Variants in CBARP observed in about 807,000 individuals in gnomAD.
CBARP encodes CACN subunit beta associated regulatory protein.
A neutral mutation model predicts 36.3 loss-of-function variants in CBARP; 24 were observed. The observed-to-expected ratio is 0.66, with a 90% CI of 0.48 to 0.93. The LOEUF is 0.93. CBARP is among the 40% of genes least tolerant of loss of function. The pLI is 0.00. For synonymous variants in CBARP, 586 were observed against 453.2 expected (o/e 1.29, Z -3.72); for missense variants, 1,146 against 980.4 (o/e 1.17, Z -2.26).
At position 1,230,024 on chromosome 19, in the gene CBARP, C is replaced by A; in HGVS notation, c.1273G>T (p.Ala425Ser). Residue 425 changes from alanine to serine, a missense_variant, in exon 10 of 10, where the codon GCG becomes TCG. Physicochemically the swap from Ala to Ser is moderately conservative, Grantham distance 99. Transcript: ENST00000650044. ...CTGGTCTGGGCCTGCTCGGGGCCCGCGTCCCGCTCGGCGTCCGGCTCCAGT... is the reference window on the plus strand; with the variant it reads ...CTGGTCTGGGCCTGCTCGGGGCCCGAGTCCCGCTCGGCGTCCGGCTCCAGT... ...PPLEPDAERD[A>S]GPEQAQTSYR... 8.1e-7 allele frequency: 1 copy of A among 1,229,302 alleles called. No homozygotes were observed. The highest frequency in any genetic ancestry group is 1.0e-6 in the Non-Finnish European group (1 of 963,448). 76.1% of individuals were successfully genotyped at this position (1,229,302 alleles called of 1,614,324 possible).
chr19:1,230,838 A>G (rs1472094484), intron 9 of CBARP: 5 of 1,481,244 alleles, frequency 3.4e-6, no homozygotes, highest in African/African-American at 1.4e-5. Flanking sequence ...ACCAGCAAGC[A>G]GCAGTACCAG....
intron 8 of CBARP, among the ~76,000 whole-genome samples, 190 bp downstream of exon 8, chr19:1,233,236 A>G (rs1394457198): frequency 1.2e-4 from 18 of 152,156 alleles, no homozygotes; most frequent in Non-Finnish European, 8.8e-5. Flanking sequence ...GGCCGCCCGC[A>G]CACTCAGCCC....
rs534066346 is a variant in CBARP at position 1,235,414 on chromosome 19, C to T, written c.310+87G>A. Reference sequence around the variant, plus strand: ...GTCTGGTGGGGGAGACAGACAGACACAGACGGTCAGGCAGCCCGAGGGGGC... The same window carrying T: ...GTCTGGTGGGGGAGACAGACAGACATAGACGGTCAGGCAGCCCGAGGGGGC... On this transcript the variant is annotated intron_variant, in intron 4 of 9. Transcript: ENST00000650044. 456 of 1,373,216 alleles carry T rather than the reference C, an allele frequency of 3.3e-4. 1 individual carries two copies. The highest frequency in any genetic ancestry group is 4.0e-4 in the Non-Finnish European group (411 of 1,017,326). The allele number at this position is 1,373,216 out of a possible 1,614,324, so 85.1% of individuals were successfully genotyped here.
Position 1,234,962 on chromosome 19 carries a change from G to T in CBARP, c.455+39C>A, listed in dbSNP as rs536209098. The T allele has an allele frequency of 5.7e-6, 9 of 1,578,868 alleles. No individual in the cohort carries two copies. In the African/African-American group the frequency reaches 1.2e-4, roughly 21 times the overall value. Reference sequence around the variant, plus strand: ...CCCCGTCCCGGCGGCCAGGACCTCAGACAGGCCCTGGGGTGCCTCCCAACG... The same window carrying T: ...CCCCGTCCCGGCGGCCAGGACCTCATACAGGCCCTGGGGTGCCTCCCAACG... On this transcript the variant is annotated intron_variant, in intron 5 of 9. Coordinates refer to ENST00000650044, the MANE Select transcript of CBARP (RefSeq NM_001393918.1).
rs764939260 is a variant in CBARP, at chr19:1,231,048, G to T, written c.1154+53C>A. On this transcript the variant is annotated intron_variant, in intron 9 of 9. Coordinates refer to ENST00000650044, the MANE Select transcript of CBARP (RefSeq NM_001393918.1). ...CTGGGCCGCCTAGGGGGGGGCGAAG[G>T]GGGGCAAGGGCCCACAGGTCCACCC... 3.8e-6 allele frequency: 6 copies of T among 1,561,196 alleles called. No homozygotes were observed. In the South Asian group the frequency reaches 4.7e-5, roughly 12 times the overall value.
Position 1,229,746 on chromosome 19 carries a change from G to C in CBARP, c.1551C>G (p.Thr517=). 1.0e-6 allele frequency: 1 copy of C among 994,524 alleles called. No homozygotes were observed. Among genetic ancestry groups the C allele is most frequent in the Non-Finnish European group, 1.2e-6 (1 of 834,132 alleles). The allele number at this position is 994,524 out of a possible 1,614,324, so 61.6% of individuals were successfully genotyped here. The change falls in exon 10 of 10, where the codon ACC becomes ACG. Residue 517 remains threonine (T), a synonymous_variant. Coordinates refer to ENST00000650044, the MANE Select transcript of CBARP (RefSeq NM_001393918.1). This position sits in a 1 kb window ranked among gnomAD's most constrained non-coding sequence, Gnocchi z 5.1. ...GCCGGGCGGGCGCGGCAGGTGGCTC[G>C]GTGTCGTCGCCTGCGCCGCGGCCCT... ...SIEGRGAGDD[T]EPPAAPARPR...
At chr19:1,235,661 C>G (rs1467055239) in intron 3 of CBARP, 96 bp from the exon 4 acceptor site, 1 of 1,587,672 alleles carries the variant, frequency 6.3e-7, no homozygotes, top group Non-Finnish European at 8.6e-7. Flanking sequence ...TGCGCATCAC[C>G]CAGTCTCCAG....
intron 1 of CBARP, 96 bp from the exon 2 acceptor site, chr19:1,236,217 C>T (rs985639694): frequency 1.7e-5 from 22 of 1,330,962 alleles, no homozygotes; most frequent in Admixed American, 3.7e-5. Context: ...AGCAGGAGCC[C>T]ACACAGGGGG....
intron 4 of CBARP, 75 bp downstream of exon 4, chr19:1,235,426 C>A: frequency 7.0e-7 from 1 of 1,431,438 alleles, no homozygotes; most frequent in Non-Finnish European, 9.4e-7. Context: ...GACGGTCAGG[C>A]AGCCCGAGGG....
At position 1,229,585 on chromosome 19, in the gene CBARP, G is replaced by A; in HGVS notation, c.1712C>T (p.Ala571Val). The change falls in exon 10 of 10, where the codon GCC (alanine) becomes GTC (valine). Residue 571 changes from alanine to valine, a missense_variant. Coordinates refer to ENST00000650044, the MANE Select transcript of CBARP (RefSeq NM_001393918.1). This position sits in a 1 kb window ranked among gnomAD's most constrained non-coding sequence, Gnocchi z 5.1. ...DDTPAAARHR[A>V]RAHPHARKQW... ...TTTGCGGGCGTGCGGGTGCGCGCGG[G>A]CGCGGTGTCGCGCGGCAGCCGGCGT... 1 of 1,180,544 alleles carries A rather than the reference G, an allele frequency of 8.5e-7. No individual in the cohort carries two copies. The highest frequency in any genetic ancestry group is 1.1e-6 in the Non-Finnish European group (1 of 938,438). 73.1% of individuals were successfully genotyped at this position (1,180,544 alleles called of 1,614,324 possible). A position where few individuals can be genotyped will look rare whatever the true frequency, so the allele number is the denominator to read the frequency against.
At chr19:1,232,442 C>T (rs961774458) in intron 8 of CBARP, among the ~76,000 whole-genome samples, 1 of 152,178 alleles carries the variant, frequency 6.6e-6, no homozygotes, top group Non-Finnish European at 1.5e-5. Flanking sequence ...CTGGCCTCAC[C>T]TGACGACAGG....
Position 1,230,088 on chromosome 19 carries a change from G to A in CBARP, c.1209C>T (p.Arg403=). 1 of 1,097,426 alleles carries A rather than the reference G, an allele frequency of 9.1e-7. No homozygotes were observed. Among genetic ancestry groups the A allele is most frequent in the Non-Finnish European group, 1.1e-6 (1 of 895,030 alleles). The allele number at this position is 1,097,426 out of a possible 1,614,324, so 68.0% of individuals were successfully genotyped here. The stretch of plus-strand genomic sequence containing the variant: ...GCTCAGGCCCCGCGCTGCCCGCGCC[G>A]CGCTCCGGGGGGGAATCGGGGCTCG... ...GGASPDSPPE[R]GAGSAGPEQQ... is the part of the protein sequence containing the mutation. Residue 403 remains arginine, a synonymous_variant, in exon 10 of 10, where the codon CGC becomes CGT. Coordinates refer to ENST00000650044, the MANE Select transcript of CBARP (RefSeq NM_001393918.1).
intron 5 of CBARP, 61 bp downstream of exon 5, chr19:1,234,940 C>G (rs1042350525): frequency 6.4e-7 from 1 of 1,553,474 alleles, no homozygotes; most frequent in Non-Finnish European, 8.7e-7. Flanking sequence ...GCTCCTCCCC[C>G]GTCCCGGCGG....
rs897903850 is a variant in CBARP at position 1,229,185 on chromosome 19, C to T, written c.2112G>A (p.Pro704=). Residue 704 remains proline (P), a synonymous_variant, in exon 10 of 10, where the codon CCG becomes CCA. Coordinates refer to ENST00000650044, the MANE Select transcript of CBARP (RefSeq NM_001393918.1). This position sits in a 1 kb window ranked among gnomAD's most constrained non-coding sequence, Gnocchi z 5.1. ...AAAPTSPDHS[P]A ...TGGGCCCAGGACGCGGGACTTAGGC[C>T]GGGCTGTGGTCGGGGGACGTGGGGG... 54 of 1,159,564 alleles carry T rather than the reference C, an allele frequency of 4.7e-5. No individual in the cohort carries two copies. In the African/African-American group the frequency reaches 7.0e-4, roughly 15 times the overall value. 71.8% of individuals were successfully genotyped at this position (1,159,564 alleles called of 1,614,324 possible).
Position 1,229,515 on chromosome 19 carries a change from C to T in CBARP, c.1782G>A (p.Ala594=), listed in dbSNP as rs2080862026. 1 of 979,298 alleles carries T rather than the reference C, an allele frequency of 1.0e-6. No individual in the cohort carries two copies. 60.7% of individuals were successfully genotyped at this position (979,298 alleles called of 1,614,324 possible). A position where few individuals can be genotyped will look rare whatever the true frequency, so the allele number is the denominator to read the frequency against. The change falls in exon 10 of 10, where the codon GCG becomes GCA. Residue 594 remains alanine, a synonymous_variant. Transcript: ENST00000650044. This position sits in a 1 kb window ranked among gnomAD's most constrained non-coding sequence, Gnocchi z 5.1. ...GRQHSDPGAR[A]APALAGTPAP... is the part of the protein sequence containing the mutation. The stretch of plus-strand genomic sequence containing the variant: ...CCGGGGTTCCGGCCAGGGCCGGGGC[C>T]GCGCGGGCGCCGGGGTCGCTGTGCT...
At chr19:1,236,224 G>A (rs910994607) in intron 1 of CBARP, 103 bp from the exon 2 acceptor site, 8 of 1,337,354 alleles carry the variant, frequency 6.0e-6, no homozygotes, top group Non-Finnish European at 7.6e-6. Flanking sequence ...GCCCACACAG[G>A]GGGCAGTGAC....
rs1300793283 is a variant in CBARP at position 1,228,829 on chromosome 19, C to T, written c.*350G>A. The T allele has an allele frequency of 6.8e-6, 1 of 147,476 alleles. No individual in the cohort carries two copies. The highest frequency in any genetic ancestry group is 2.4e-5 in the African/African-American group (1 of 40,994). 9.1% of individuals were successfully genotyped at this position (147,476 alleles called of 1,614,324 possible). A position where few individuals can be genotyped will look rare whatever the true frequency, so the allele number is the denominator to read the frequency against. ...GGGCCCTGCGACTAAGCGGCCGCCC[C>T]GTCCGGGACTGAGGGCGAGTGATCG... On this transcript the variant is annotated 3_prime_UTR_variant, in exon 10 of 10. Transcript: ENST00000650044.
rs745389273 is a variant in CBARP, at chr19:1,229,357, G to A, written c.1940C>T (p.Pro647Leu). Residue 647 changes from proline (P) to leucine (L), a missense_variant, in exon 10 of 10, where the codon CCG becomes CTG. Transcript: ENST00000650044. The surrounding 1 kb of genome is among the most constrained non-coding windows in gnomAD (Gnocchi z 5.1). ...CGAGCCGGGGCACCCCCCGCCGCCC[G>A]GCTCCTCCTCGATGACGGGGATGGC... ...DPAIPVIEEEPGGGGCPGSGL... is the reference protein window; with the variant it reads ...DPAIPVIEEELGGGGCPGSGL... 4.5e-5 allele frequency: 54 copies of A among 1,188,532 alleles called. 1 individual carries two copies. The East Asian group carries it at 6.7e-4, about 15-fold the overall frequency. The allele number at this position is 1,188,532 out of a possible 1,614,324, so 73.6% of individuals were successfully genotyped here. A position where few individuals can be genotyped will look rare whatever the true frequency, so the allele number is the denominator to read the frequency against.
In CBARP at chr19:1,234,487, A is replaced by T; in HGVS notation, c.627+84T>A. The T allele has an allele frequency of 2.1e-6, 3 of 1,435,050 alleles. No homozygotes were observed. The Admixed American group carries it at 7.8e-5, about 37-fold the overall frequency. The allele number at this position is 1,435,050 out of a possible 1,614,324, so 88.9% of individuals were successfully genotyped here. ...CGAGATGAGGGCCACCCAGAAAAAG[A>T]GTGGGTGAGGGCGTGGGGGTCCGGG... On this transcript the variant is annotated intron_variant, in intron 6 of 9. Coordinates refer to ENST00000650044, the MANE Select transcript of CBARP (RefSeq NM_001393918.1).
Sources: allele counts gnomAD v4.1 joint callset (sites outside exome capture counted in the v4.1 genomes callset), GRCh38; gene constraint gnomAD v4.1.1; non-coding constraint Gnocchi (gnomAD v3.1); transcripts MANE v1.5; gene names NCBI Gene and HGNC (gene_info 2026-07-23, HGNC 2026-07-21).